Variants in TACC3 observed in about 807,000 individuals in gnomAD.
TACC3 encodes the protein transforming acidic coiled-coil containing protein 3.
Under a neutral mutation model 86.0 loss-of-function variants are expected in TACC3, and 52 were observed. That is an observed-to-expected ratio of 0.60 (90% CI 0.48 to 0.76). The LOEUF (loss-of-function observed/expected upper bound fraction) is 0.76. Among genes scored for constraint, TACC3 ranks in the 30% least tolerant of loss-of-function variants. The pLI is 0.00. For missense variants in TACC3, 1,120 were observed against 1,070.4 expected (o/e 1.05, Z -0.65); for synonymous variants, 512 against 430.0 (o/e 1.19, Z -2.36).
chr4:1,728,898 A>C (rs2108689735), intron 4 of TACC3, 111 bp downstream of exon 4: 1 of 1,129,050 alleles, frequency 8.9e-7, no homozygotes, highest in Non-Finnish European at 1.2e-6. Flanking sequence ...GAGGCCGGGT[A>C]GGTTCTGCCT....
At chr4:1,739,423 C>T in intron 10 of TACC3, 1 of 517,698 alleles carries the variant, frequency 1.9e-6, no homozygotes, top group Non-Finnish European at 3.4e-6. Flanking sequence ...GCTGCGGGGG[C>T]AGCTGCAGGG....
At position 1,727,938 on chromosome 4, in the gene TACC3, A is replaced by G; in HGVS notation, c.536A>G (p.Glu179Gly). The change falls in exon 4 of 16, where the codon GAG becomes GGG. Residue 179 changes from glutamate to glycine, a missense_variant. Physicochemically the swap from Glu to Gly is moderately conservative, Grantham distance 98. Coordinates refer to ENST00000313288, the MANE Select transcript of TACC3 (RefSeq NM_006342.3). The part of the protein sequence containing the change: ...VSPGKVSGSP[E>G]QAVEENLSSY... Reference sequence around the variant, plus strand: ...CCAGGAAAAGTGTCTGGCAGCCCTGAGCAAGCCGTGGAGGAAAACCTTAGT... The same window carrying G: ...CCAGGAAAAGTGTCTGGCAGCCCTGGGCAAGCCGTGGAGGAAAACCTTAGT... The G allele has an allele frequency of 6.2e-7, 1 of 1,613,884 alleles. No individual in the cohort carries two copies. Among genetic ancestry groups the G allele is most frequent in the Non-Finnish European group, 8.5e-7 (1 of 1,180,036 alleles).
Position 1,744,743 on chromosome 4 carries a change from A to G in TACC3, c.2362A>G (p.Lys788Glu). ...CGAGGAGATCGCCCAGGTCCGGAGC[A>G]AGGCCCAGGCGGAAGCGTTGGCCCT... Reference protein sequence around the residue: ...ANEEIAQVRSKAQAEALALQA... With the variant: ...ANEEIAQVRSEAQAEALALQA... The change falls in exon 15 of 16, where the codon AAG becomes GAG. Residue 788 changes from lysine to glutamate, a missense_variant. Coordinates refer to ENST00000313288, the MANE Select transcript of TACC3 (RefSeq NM_006342.3). 2 of 1,612,740 alleles carry G rather than the reference A, an allele frequency of 1.2e-6. No homozygotes were observed. Among genetic ancestry groups the G allele is most frequent in the Non-Finnish European group, 1.7e-6 (2 of 1,180,004 alleles).
chr4:1,743,834 G>C (rs1718711026), intron 13 of TACC3, among the ~76,000 whole-genome samples: 1 of 152,226 alleles, frequency 6.6e-6, no homozygotes, highest in East Asian at 1.9e-4. Context: ...TTTAAGGGAG[G>C]CGTGACCTCC....
intron 3 of TACC3, among the ~76,000 whole-genome samples, chr4:1,724,640 T>A (rs1665362): frequency 0.71 from 108,322 of 151,872 alleles, 39,831 homozygotes; most frequent in East Asian, 0.86. Context: ...AGGATCCTGG[T>A]GGCAGCTCTT....
chr4:1,728,435 G>A lies in TACC3; in HGVS notation c.1033G>A (p.Gly345Ser). Residue 345 changes from glycine to serine, a missense_variant, in exon 4 of 16, where the codon GGC (glycine) becomes AGC (serine). Transcript: ENST00000313288. ...AAAACTAGAATTTGATGTATCTGATGGCGCCACCAGCAAAAGGGCACCCCC... is the reference window on the plus strand; with the variant it reads ...AAAACTAGAATTTGATGTATCTGATAGCGCCACCAGCAAAAGGGCACCCCC... ...PVKLEFDVSD[G>S]ATSKRAPPPR... The A allele has an allele frequency of 6.2e-7, 1 of 1,613,778 alleles. No individual in the cohort carries two copies. Among genetic ancestry groups the A allele is most frequent in the Non-Finnish European group, 8.5e-7 (1 of 1,180,032 alleles).
chr4:1,723,641 G>T, intron 2 of TACC3, 58 bp downstream of exon 2: 1 of 1,609,156 alleles, frequency 6.2e-7, no homozygotes, highest in Non-Finnish European at 8.5e-7. Context: ...CTGCTTTCTT[G>T]GTGACCTCTG....
chr4:1,727,330 C>T (rs73188147), intron 3 of TACC3, among the ~76,000 whole-genome samples: 2 of 152,268 alleles, frequency 1.3e-5, no homozygotes, highest in Non-Finnish European at 2.9e-5. Context: ...TGCATGATGA[C>T]GAGTGCTGTT....
In TACC3 at chr4:1,727,331, G is replaced by A. The variant is rs143644644; in HGVS notation, c.306-377G>A. Among the ~76,000 whole-genome samples, 382 of 152,292 alleles carry A rather than the reference G, an allele frequency of 2.5e-3. 1 individual carries two copies. Among genetic ancestry groups the A allele is most frequent in the South Asian group, 0.012 (58 of 4,820 alleles). ...GGGGGCAGACCTCGTGCATGATGAC[G>A]AGTGCTGTTTGGGTGGCAGAGGCTG... On this transcript the variant is annotated intron_variant, in intron 3 of 15. Coordinates refer to ENST00000313288, the MANE Select transcript of TACC3 (RefSeq NM_006342.3).
rs1216928582 is a variant in TACC3, at chr4:1,727,794, A to T, written c.392A>T (p.Asp131Val). The T allele has an allele frequency of 6.2e-7, 1 of 1,613,080 alleles. No homozygotes were observed. Among genetic ancestry groups the T allele is most frequent in the Non-Finnish European group, 8.5e-7 (1 of 1,179,938 alleles). ...GAGGCTGACACCGACCTCCTGGGGG[A>T]TGCAAGCCCAGCCTTTGGGAGTGGC... Reference protein sequence around the residue: ...PVEADTDLLGDASPAFGSGSS... With the variant: ...PVEADTDLLGVASPAFGSGSS... The change falls in exon 4 of 16, where the codon GAT becomes GTT. Residue 131 changes from aspartate (D) to valine (V), a missense_variant. Physicochemically the swap from Asp to Val is radical, Grantham distance 152. Transcript: ENST00000313288.
At chr4:1,724,759 A>G (rs1380704019) in intron 3 of TACC3, among the ~76,000 whole-genome samples, 1 of 148,878 alleles carries the variant, frequency 6.7e-6, no homozygotes, top group East Asian at 2.0e-4. Flanking sequence ...TTGCTGATGT[A>G]ACTGTTGTTG....
chr4:1,738,666 C>A (rs1718410144), intron 10 of TACC3, among the ~76,000 whole-genome samples: 1 of 152,220 alleles, frequency 6.6e-6, no homozygotes, highest in Non-Finnish European at 1.5e-5. Context: ...AAGAGCACAC[C>A]TGAACAAGGG....
Position 1,744,715 on chromosome 4 carries a change from A to T in TACC3, c.2334A>T (p.Ala778=), listed in dbSNP as rs147358454. 22 of 1,612,582 alleles carry T rather than the reference A, an allele frequency of 1.4e-5. No individual in the cohort carries two copies. The highest frequency in any genetic ancestry group is 1.9e-5 in the Non-Finnish European group (22 of 1,179,938). Residue 778 remains alanine (A), a synonymous_variant, in exon 15 of 16, where the codon GCA becomes GCT. Transcript: ENST00000313288. ...TGCCCCGCCCCTACCCCTCCAGGGC[A>T]AACGAGGAGATCGCCCAGGTCCGGA... ...KAHAEEKLQL[A]NEEIAQVRSK... is the part of the protein sequence containing the mutation.
chr4:1,741,019 G>A (rs373265854), intron 13 of TACC3, 33 bp downstream of exon 13: 202 of 1,570,714 alleles, frequency 1.3e-4, no homozygotes, highest in East Asian at 3.2e-4. Flanking sequence ...TCCTCACCTC[G>A]GAGGCTGATG....
intron 12 of TACC3, 105 bp from the exon 13 acceptor site, chr4:1,740,721 T>C: frequency 2.9e-6 from 3 of 1,027,220 alleles, no homozygotes; most frequent in Non-Finnish European, 4.3e-6. Context: ...ACTGCCCACC[T>C]CTCCTCCTGG....
At chr4:1,737,056 G>C (rs554362550) in intron 8 of TACC3, among the ~76,000 whole-genome samples, 185 bp from the exon 9 acceptor site, 1 of 152,220 alleles carries the variant, frequency 6.6e-6, no homozygotes, top group Admixed American at 6.5e-5. Flanking sequence ...GGTGAGGGAG[G>C]GGGGCACGGA....
intron 6 of TACC3, among the ~76,000 whole-genome samples, chr4:1,732,227 CCG>C: frequency 6.6e-6 from 1 of 151,288 alleles, no homozygotes; most frequent in Non-Finnish European, 1.5e-5. Flanking sequence ...TACGGTTTGT[CCG>C]TAAGATTGGA....
intron 3 of TACC3, among the ~76,000 whole-genome samples, chr4:1,724,606 G>A (rs982978565): frequency 7.9e-5 from 12 of 152,058 alleles, no homozygotes; most frequent in Admixed American, 2.6e-4. Flanking sequence ...TGGCGAGGCG[G>A]TGTCTGTCTT....
chr4:1,728,425 T>G lies in TACC3; in HGVS notation c.1023T>G (p.Asp341Glu). 6.2e-7 allele frequency: 1 copy of G among 1,613,602 alleles called. No homozygotes were observed. Among genetic ancestry groups the G allele is most frequent in the African/African-American group, 1.3e-5 (1 of 75,038 alleles). ...SRSGPVKLEF[D>E]VSDGATSKRA... ...GCGGACCTGTAAAACTAGAATTTGA[T>G]GTATCTGATGGCGCCACCAGCAAAA... Residue 341 changes from aspartate (D) to glutamate (E), a missense_variant, in exon 4 of 16, where the codon GAT becomes GAG. Coordinates refer to ENST00000313288, the MANE Select transcript of TACC3 (RefSeq NM_006342.3).
Sources: allele counts gnomAD v4.1 joint callset (sites outside exome capture counted in the v4.1 genomes callset), GRCh38; gene constraint gnomAD v4.1.1; transcripts MANE v1.5; gene names NCBI Gene and HGNC (gene_info 2026-07-23, HGNC 2026-07-21).